OSTF1: variants seen among roughly 807,000 people sequenced by gnomAD.
OSTF1 encodes the protein osteoclast-stimulating factor 1.
A neutral mutation model predicts 37.2 loss-of-function variants in OSTF1; 27 were observed. That is an observed-to-expected ratio of 0.73 (90% CI 0.54 to 1.00). The LOEUF is 1.00. Ranked by LOEUF, OSTF1 falls within the 50% of genes least tolerant of loss-of-function variation. The probability of loss-of-function intolerance (pLI) is 0.00; values close to 1 mark genes in which losing one functional copy is unlikely to be tolerated. For missense variants in OSTF1, 232 were observed against 253.8 expected, an observed-to-expected ratio of 0.91 and a Z score of 0.58; for synonymous variants, 82 against 89.2, an observed-to-expected ratio of 0.92 and a Z score of 0.46.
intron 2 of OSTF1, among the ~76,000 whole-genome samples, chr9:75,122,799 G>A (rs894025184): frequency 1.3e-5 from 2 of 152,170 alleles, no homozygotes; most frequent in Non-Finnish European, 2.9e-5. Context: ...GCCCAGACCA[G>A]TACGTGGCAC....
At chr9:75,104,312 A>T (rs909991294) in intron 1 of OSTF1, among the ~76,000 whole-genome samples, 5 of 152,144 alleles carry the variant, frequency 3.3e-5, no homozygotes, top group African/African-American at 1.2e-4. Flanking sequence ...TGGAAGGACA[A>T]GGCAAGAGGA....
chr9:75,090,593 G>A (rs552333589), intron 1 of OSTF1, among the ~76,000 whole-genome samples: 15 of 151,976 alleles, frequency 9.9e-5, no homozygotes, highest in Non-Finnish European at 2.1e-4. Flanking sequence ...CATAGAAATG[G>A]GTTTGCCAGT....
At position 75,127,624 on chromosome 9, in the gene OSTF1, G is replaced by A. The variant is rs764366608; in HGVS notation, c.132+5G>A. The A allele has an allele frequency of 2.0e-6, 3 of 1,517,880 alleles. 1 individual carries two copies. Among genetic ancestry groups the A allele is most frequent in the Non-Finnish European group, 2.7e-6 (3 of 1,104,302 alleles). 94.0% of individuals were successfully genotyped at this position (1,517,880 alleles called of 1,614,324 possible). A position where few individuals can be genotyped will look rare whatever the true frequency, so the allele number is the denominator to read the frequency against. On this transcript the variant is annotated splice_donor_5th_base_variant and intron_variant, in intron 3 of 9. Coordinates refer to ENST00000346234, the MANE Select transcript of OSTF1 (RefSeq NM_012383.5). ...ATTATCTACATTACTGACATGGTAA[G>A]TCCAGATAACATCTTGTAATACCAC...
intron 1 of OSTF1, among the ~76,000 whole-genome samples, chr9:75,088,979 C>T (rs1014929647): frequency 2.6e-5 from 4 of 152,130 alleles, no homozygotes; most frequent in Non-Finnish European, 5.9e-5. Context: ...ACTTTTGCTA[C>T]GTTGTCATTC....
intron 1 of OSTF1, among the ~76,000 whole-genome samples, chr9:75,100,949 C>T (rs1028108193): frequency 2.6e-5 from 4 of 152,148 alleles, no homozygotes; most frequent in African/African-American, 4.8e-5. Flanking sequence ...CTGGCCTTCC[C>T]GTTCTCTGGG....
At chr9:75,095,595 G>A (rs1825061838) in intron 1 of OSTF1, among the ~76,000 whole-genome samples, 1 of 152,154 alleles carries the variant, frequency 6.6e-6, no homozygotes, top group African/African-American at 2.4e-5. Context: ...AACTAAATAA[G>A]GGCTAAGCTT....
At chr9:75,128,862 C>T (rs548291984) in intron 3 of OSTF1, among the ~76,000 whole-genome samples, 3 of 151,812 alleles carry the variant, frequency 2.0e-5, no homozygotes, top group South Asian at 4.2e-4. Flanking sequence ...TTGCAAGGAT[C>T]ACATTGTATT....
intron 9 of OSTF1, among the ~76,000 whole-genome samples, chr9:75,144,588 C>T (rs1289112002): frequency 6.6e-6 from 1 of 152,170 alleles, no homozygotes; most frequent in Non-Finnish European, 1.5e-5. Flanking sequence ...CTTTCCTTCT[C>T]TCTCTTGCAA....
In OSTF1 at chr9:75,126,058, C is replaced by T. The variant is rs547800990; in HGVS notation, c.82-1511C>T. Reference sequence around the variant, plus strand: ...CCGAATAGCTGGGATTATAAGTGTGCACCACCACACCTGGCACATTTTTTG... The same window carrying T: ...CCGAATAGCTGGGATTATAAGTGTGTACCACCACACCTGGCACATTTTTTG... On this transcript the variant is annotated intron_variant, in intron 2 of 9. Transcript: ENST00000346234. Among the ~76,000 whole-genome samples the T allele has an allele frequency of 1.7e-3, 259 of 152,162 alleles. 1 individual carries two copies. Among genetic ancestry groups the T allele is most frequent in the African/African-American group, 5.9e-3 (244 of 41,508 alleles).
intron 1 of OSTF1, among the ~76,000 whole-genome samples, chr9:75,103,472 ATGT>A (rs895640418): frequency 2.0e-5 from 3 of 152,148 alleles, no homozygotes; most frequent in African/African-American, 7.2e-5. Context: ...TAGCATTTTG[ATGT>A]TGTTTCTTTC....
At chr9:75,110,861 C>T (rs1302588913) in intron 1 of OSTF1, among the ~76,000 whole-genome samples, 1 of 151,912 alleles carries the variant, frequency 6.6e-6, no homozygotes, top group Non-Finnish European at 1.5e-5. Flanking sequence ...TGGGTGTGTA[C>T]CAACCGCAAC....
At chr9:75,123,174 C>T (rs1462921713) in intron 2 of OSTF1, among the ~76,000 whole-genome samples, 2 of 152,236 alleles carry the variant, frequency 1.3e-5, no homozygotes, top group Non-Finnish European at 2.9e-5. Flanking sequence ...GTAATCCCAG[C>T]ACTCTGGGAG....
chr9:75,125,572 G>A (rs1825648881), intron 2 of OSTF1, among the ~76,000 whole-genome samples: 1 of 152,174 alleles, frequency 6.6e-6, no homozygotes, highest in Non-Finnish European at 1.5e-5. Flanking sequence ...AGACTAGTCT[G>A]TGCAAATCAA....
intron 8 of OSTF1, among the ~76,000 whole-genome samples, chr9:75,140,041 G>C (rs1825914813): frequency 6.6e-6 from 1 of 152,154 alleles, no homozygotes. Flanking sequence ...ATACTTAAAT[G>C]GTTGAGTTAC....
intron 2 of OSTF1, among the ~76,000 whole-genome samples, chr9:75,118,790 G>A (rs1347598175): frequency 6.6e-6 from 1 of 152,128 alleles, no homozygotes; most frequent in Admixed American, 6.5e-5. Context: ...TCACTACCAC[G>A]AGAACAATAT....
chr9:75,094,675 T>G (rs574986826), intron 1 of OSTF1, among the ~76,000 whole-genome samples: 2 of 150,830 alleles, frequency 1.3e-5, no homozygotes, highest in East Asian at 3.9e-4. Context: ...AAAAAAAAAA[T>G]GATACAGGGA....
chr9:75,119,433 A>AT (rs1825543220), intron 2 of OSTF1, among the ~76,000 whole-genome samples: 1 of 152,110 alleles, frequency 6.6e-6, no homozygotes, highest in Non-Finnish European at 1.5e-5. Context: ...TTGGTGAGGG[A>AT]TTGGGAATGG....
intron 6 of OSTF1, among the ~76,000 whole-genome samples, chr9:75,133,750 G>T (rs908987871): frequency 6.6e-6 from 1 of 152,152 alleles, no homozygotes; most frequent in African/African-American, 2.4e-5. Flanking sequence ...TTTTCACAAG[G>T]TCTTCTTTTA....
chr9:75,133,179 C>G, intron 5 of OSTF1, 115 bp from the exon 6 acceptor site: 1 of 635,206 alleles, frequency 1.6e-6, no homozygotes, highest in Non-Finnish European at 2.8e-6. Flanking sequence ...TAATTTAATA[C>G]TTGCTGATTA....
Sources: gnomAD v4.1 joint callset for allele counts (sites outside exome capture counted in the v4.1 genomes callset) on GRCh38, gnomAD v4.1.1 for gene constraint, MANE v1.5 for transcripts, NCBI Gene and HGNC (gene_info 2026-07-23, HGNC 2026-07-21) for gene names.